THRB: variants seen among roughly 807,000 people sequenced by gnomAD.
THRB encodes the protein nuclear receptor subfamily 1 group A member 2.
Under a neutral mutation model 47.8 loss-of-function variants are expected in THRB, and 12 were observed. The ratio of observed to expected loss-of-function variants is 0.25; its 90% CI spans 0.16 to 0.41. THRB has a LOEUF of 0.41. Ranked by LOEUF, THRB falls within the 10% of genes least tolerant of loss-of-function variation. THRB has a pLI of 1.00. For synonymous variants in THRB, 218 were observed against 212.2 expected (o/e 1.03, Z -0.24); for missense variants, 348 against 589.2 (o/e 0.59, Z 4.24).
intron 1 of THRB, 140 bp from the exon 2 acceptor site, chr3:24,337,511 A>C (rs909028477): frequency 1.3e-5 from 2 of 152,242 alleles, no homozygotes; most frequent in African/African-American, 4.8e-5. Context: ...GAATAGATGC[A>C]AATAGACTTA....
At chr3:24,210,300 T>C (rs769323590) in intron 4 of THRB, among the ~76,000 whole-genome samples, 1 of 152,230 alleles carries the variant, frequency 6.6e-6, no homozygotes, top group Non-Finnish European at 1.5e-5. Context: ...AAAAATTCCA[T>C]ACCTGCATGT....
intron 1 of THRB, among the ~76,000 whole-genome samples, chr3:24,461,429 G>T (rs912525579): frequency 6.6e-6 from 1 of 152,166 alleles, no homozygotes; most frequent in African/African-American, 2.4e-5. Context: ...GCTACTCTTA[G>T]TACTGTTAGT....
At chr3:24,250,741 G>T (rs1211982203) in intron 3 of THRB, among the ~76,000 whole-genome samples, 1 of 152,000 alleles carries the variant, frequency 6.6e-6, no homozygotes, top group African/African-American at 2.4e-5. Context: ...AAACCCTGTA[G>T]AAAATTCAAG....
At chr3:24,272,368 C>CAACAACAACA (rs1553685165) in intron 3 of THRB, among the ~76,000 whole-genome samples, 5 of 151,280 alleles carry the variant, frequency 3.3e-5, no homozygotes, top group Non-Finnish European at 7.4e-5. Context: ...ACAACAACAA[C>CAACAACAACA]AACAAACAAA....
chr3:24,434,875 G>C (rs964662630), intron 1 of THRB, among the ~76,000 whole-genome samples: 2 of 152,184 alleles, frequency 1.3e-5, no homozygotes, highest in Non-Finnish European at 2.9e-5. Context: ...AAGGTCAGCT[G>C]CTATCAGTCT....
At chr3:24,416,360 G>C (rs937059406) in intron 1 of THRB, among the ~76,000 whole-genome samples, 1 of 151,736 alleles carries the variant, frequency 6.6e-6, no homozygotes, top group Non-Finnish European at 1.5e-5. Flanking sequence ...GCTCGCTGAT[G>C]GGATGAAGAT....
chr3:24,358,795 A>T (rs1414186500), intron 1 of THRB, among the ~76,000 whole-genome samples: 2 of 152,142 alleles, frequency 1.3e-5, no homozygotes, highest in Non-Finnish European at 2.9e-5. Flanking sequence ...AAACCACTGA[A>T]CCAGTCAATC....
At chr3:24,149,478 C>A (rs181372741) in intron 6 of THRB, among the ~76,000 whole-genome samples, 10 of 152,268 alleles carry the variant, frequency 6.6e-5, no homozygotes, top group Non-Finnish European at 1.3e-4. Context: ...ACCAGACACT[C>A]CAAAAAGTCA....
At chr3:24,369,576 T>C (rs1361157262) in intron 1 of THRB, among the ~76,000 whole-genome samples, 1 of 152,170 alleles carries the variant, frequency 6.6e-6, no homozygotes, top group Non-Finnish European at 1.5e-5. Context: ...GGTCTAAATA[T>C]CACACTGCAG....
In THRB at chr3:24,342,480, A is replaced by G. The variant is rs79399097; in HGVS notation, c.-260-5109T>C. On this transcript the variant is annotated intron_variant, in intron 1 of 10. Transcript: ENST00000646209. ...AACTGGCCACTCCAGCAGGAACTGA[A>G]GCCACAGAGGAGACACAACTGTTGT... Among the ~76,000 whole-genome samples, 1,026 of 152,276 alleles carry G rather than the reference A, an allele frequency of 6.7e-3. 10 individuals carry two copies. Among genetic ancestry groups the G allele is most frequent in the African/African-American group, 0.023 (976 of 41,560 alleles).
At chr3:24,147,121 A>G (rs2036201238) in intron 6 of THRB, among the ~76,000 whole-genome samples, 1 of 152,130 alleles carries the variant, frequency 6.6e-6, no homozygotes, top group Non-Finnish European at 1.5e-5. Flanking sequence ...CTAAATATTG[A>G]ATATATAAGT....
At position 24,122,523 on chromosome 3, in the gene THRB, C is replaced by CTTGG. The variant is rs1384646058; in HGVS notation, c.*357_*360dup. 1 of 345,116 alleles carries CTTGG rather than the reference C, an allele frequency of 2.9e-6. No individual in the cohort carries two copies. Among genetic ancestry groups the CTTGG allele is most frequent in the African/African-American group, 2.1e-5 (1 of 47,256 alleles). 21.4% of individuals were successfully genotyped at this position (345,116 alleles called of 1,614,324 possible). A position where few individuals can be genotyped will look rare whatever the true frequency, so the allele number is the denominator to read the frequency against. Reference sequence around the variant, plus strand: ...GATTGGGTGGAGGTGGTCGTATTATCTTGGTTTTAAGGCTTCTTTAGTGTC... The same window carrying CTTGG: ...GATTGGGTGGAGGTGGTCGTATTATCTTGGTTGGTTTTAAGGCTTCTTTAGTGTC... On this transcript the variant is annotated 3_prime_UTR_variant, in exon 11 of 11. Transcript: ENST00000646209.
At chr3:24,395,181 C>T (rs911092776) in intron 1 of THRB, among the ~76,000 whole-genome samples, 1 of 151,958 alleles carries the variant, frequency 6.6e-6, no homozygotes, top group African/African-American at 2.4e-5. Flanking sequence ...GAAGAAAATA[C>T]AGGAGAAAAA....
At chr3:24,191,906 T>C (rs1263985253) in intron 4 of THRB, among the ~76,000 whole-genome samples, 2 of 152,238 alleles carry the variant, frequency 1.3e-5, no homozygotes, top group African/African-American at 2.4e-5. Flanking sequence ...GCAATAAGTC[T>C]CCTTTTAAAA....
intron 1 of THRB, among the ~76,000 whole-genome samples, chr3:24,445,032 A>T (rs2071930945): frequency 6.6e-6 from 1 of 152,208 alleles, no homozygotes; most frequent in South Asian, 2.1e-4. Context: ...TTATAATGGG[A>T]TATATAAACT....
rs71855335 is a variant in THRB, at chr3:24,477,085, G to GGTGTGTGT, written c.-261+17559_-261+17566dup. Among the ~76,000 whole-genome samples, 488 of 137,650 alleles carry GGTGTGTGT rather than the reference G, an allele frequency of 3.5e-3. 4 individuals are homozygous for GGTGTGTGT. Among genetic ancestry groups the GGTGTGTGT allele is most frequent in the African/African-American group, 0.012 (460 of 37,738 alleles). The allele number at this position is 137,650 out of a possible 152,430, so 90.3% of individuals were successfully genotyped here. Reference sequence around the variant, plus strand: ...ATGATCCAGGACATACATATAAAGGGGTGTGTGTGTGTGTGTGTGTGTGTG... The same window carrying GGTGTGTGT: ...ATGATCCAGGACATACATATAAAGGGGTGTGTGTGTGTGTGTGTGTGTGTGTGTGTGTG... On this transcript the variant is annotated intron_variant, in intron 1 of 10. Coordinates refer to ENST00000646209, the MANE Select transcript of THRB (RefSeq NM_001354712.2).
intron 3 of THRB, among the ~76,000 whole-genome samples, chr3:24,273,273 C>T (rs111653683): frequency 5.3e-4 from 81 of 152,282 alleles, no homozygotes; most frequent in African/African-American, 1.9e-3. Flanking sequence ...TACAATGTGT[C>T]AGGCACTCTG....
rs187966967 is a variant in THRB, at chr3:24,148,136, A to T, written c.385-1314T>A. Among the ~76,000 whole-genome samples, 234 of 152,082 alleles carry T rather than the reference A, an allele frequency of 1.5e-3. 3 individuals carry two copies. The highest frequency in any genetic ancestry group is 3.4e-3 in the Middle Eastern group (1 of 294). On this transcript the variant is annotated intron_variant, in intron 6 of 10. Transcript: ENST00000646209. ...TTTAAAATGTAAGAAATTAAAAAAA[A>T]TTTTTTTTGAGACAGAGTCTCGCTC...
intron 5 of THRB, among the ~76,000 whole-genome samples, chr3:24,176,185 TTA>T (rs1282155926): frequency 3.3e-5 from 5 of 152,292 alleles, no homozygotes; most frequent in Admixed American, 3.3e-4. Context: ...TAAATATCAT[TTA>T]TGTTTTGCTT....
Sources: allele counts gnomAD v4.1 joint callset (sites outside exome capture counted in the v4.1 genomes callset), GRCh38; gene constraint gnomAD v4.1.1; transcripts MANE v1.5; gene names NCBI Gene and HGNC (gene_info 2026-07-23, HGNC 2026-07-21).